NFXL1: variants seen among roughly 807,000 people sequenced by gnomAD.
NFXL1 encodes the protein NF-X1-type zinc finger protein NFXL1.
In NFXL1, 66 loss-of-function variants were observed where a neutral mutation model predicts 123.3. The ratio of observed to expected loss-of-function variants is 0.54; its 90% confidence interval spans 0.44 to 0.66. The LOEUF is 0.66. Among genes scored for constraint, NFXL1 ranks in the 30% least tolerant of loss-of-function variants. NFXL1 has a pLI of 0.00. For missense variants in NFXL1, 944 were observed against 1,125.6 expected, an observed-to-expected ratio of 0.84 and a Z score of 2.31; for synonymous variants, 346 against 360.8, an observed-to-expected ratio of 0.96 and a Z score of 0.46.
Position 47,899,376 on chromosome 4 carries a change from G to A in NFXL1, c.820C>T (p.His274Tyr). ...PCGHKCLLLCHPGPCPPCPKM... is the reference protein window; with the variant it reads ...PCGHKCLLLCYPGPCPPCPKM... ...AATGCAATATATAACTCACCTGGAT[G>A]ACAGAGGAGTAAACATTTATGGCCA... The change falls in exon 6 of 23, where the codon CAT (histidine) becomes TAT (tyrosine). Residue 274 changes from histidine to tyrosine, a missense_variant. Physicochemically the swap from His to Tyr is moderately conservative, Grantham distance 83. Around this residue, in one of 4 missense-constraint regions of NFXL1, gnomAD observed 296 missense variants for 395.1 expected, o/e 0.75. Transcript: ENST00000507489. The A allele has an allele frequency of 6.2e-7, 1 of 1,610,462 alleles. No homozygotes were observed. The highest frequency in any genetic ancestry group is 8.5e-7 in the Non-Finnish European group (1 of 1,176,920).
chr4:47,857,940 T>C (rs1431333278), intron 19 of NFXL1, among the ~76,000 whole-genome samples: 22 of 152,238 alleles, frequency 1.4e-4, no homozygotes, highest in Admixed American at 1.2e-3. Flanking sequence ...CTTCAGAATC[T>C]GTGAATTGCT....
chr4:47,911,005 G>C lies in NFXL1; in HGVS notation c.236-11C>G. 2 of 1,506,796 alleles carry C rather than the reference G, an allele frequency of 1.3e-6. No homozygotes were observed. Among genetic ancestry groups the C allele is most frequent in the South Asian group, 1.3e-5 (1 of 78,882 alleles). 93.3% of individuals were successfully genotyped at this position (1,506,796 alleles called of 1,614,324 possible). A position where few individuals can be genotyped will look rare whatever the true frequency, so the allele number is the denominator to read the frequency against. ...TCTGAGACATTAGCTCTGTTTAAAA[G>C]AAAAAAGTTTCATTTCTGCAAAACA... On this transcript the variant is annotated splice_polypyrimidine_tract_variant and intron_variant, in intron 2 of 22. Coordinates refer to ENST00000507489, the MANE Select transcript of NFXL1 (RefSeq NM_001278624.2).
At chr4:47,853,951 T>TG (rs1198573348) in intron 20 of NFXL1, among the ~76,000 whole-genome samples, 1 of 152,118 alleles carries the variant, frequency 6.6e-6, no homozygotes, top group Non-Finnish European at 1.5e-5. Context: ...AGAAAAGAGT[T>TG]GTTCCAAAGT....
chr4:47,873,818 T>C (rs1365207388), intron 18 of NFXL1, among the ~76,000 whole-genome samples: 1 of 152,204 alleles, frequency 6.6e-6, no homozygotes, highest in Non-Finnish European at 1.5e-5. Context: ...AAGTCCTAGA[T>C]AGCATTTTCT....
intron 19 of NFXL1, among the ~76,000 whole-genome samples, chr4:47,858,823 A>G (rs1457250327): frequency 2.0e-5 from 3 of 152,192 alleles, no homozygotes; most frequent in African/African-American, 7.2e-5. Context: ...GGGTAGAGTT[A>G]ACATGGTATT....
chr4:47,885,619 T>C lies in NFXL1; in HGVS notation c.1703A>G (p.His568Arg). The stretch of plus-strand genomic sequence containing the variant: ...TGGACAAGAACCAAAGTGACAGCGA[T>C]GTTTTTCTTGACTTGTATGATGACA... ...PTCHHTSQEK[H>R]RCHFGSCPPC... Residue 568 changes from histidine to arginine, a missense_variant, in exon 14 of 23, where the codon CAT becomes CGT. Around this residue, in one of 4 missense-constraint regions of NFXL1, gnomAD observed 44 missense variants for 90.4 expected, o/e 0.49. Transcript: ENST00000507489. The C allele has an allele frequency of 6.2e-7, 1 of 1,614,002 alleles. No homozygotes were observed. Among genetic ancestry groups the C allele is most frequent in the Non-Finnish European group, 8.5e-7 (1 of 1,179,886 alleles).
rs1735673236 is a variant in NFXL1 at position 47,875,213 on chromosome 4, T to C, written c.2160A>G (p.Arg720=). ...PLGCLHPCIL[R]CHPGECPPCV... ...AAGGTGGACATTCTCCAGGGTGACA[T>C]CGCAAAATACATGGGTGAAGACAAC... is the stretch of plus-strand genomic sequence containing the variant. Residue 720 remains arginine (R), a synonymous_variant, in exon 18 of 23, where the codon CGA becomes CGG. Coordinates refer to ENST00000507489, the MANE Select transcript of NFXL1 (RefSeq NM_001278624.2). 1 of 1,613,338 alleles carries C rather than the reference T, an allele frequency of 6.2e-7. No individual in the cohort carries two copies. Among genetic ancestry groups the C allele is most frequent in the Admixed American group, 1.7e-5 (1 of 59,982 alleles).
Position 47,914,001 on chromosome 4 carries a change from C to T in NFXL1, c.203G>A (p.Gly68Glu), listed in dbSNP as rs1334129350. Residue 68 changes from glycine to glutamate, a missense_variant, in exon 2 of 23, where the codon GGA becomes GAA. Gly to Glu is a moderately conservative substitution (Grantham distance 98). This residue lies in a region of NFXL1 where 303 missense variants were observed against 292.1 expected (regional missense o/e 1.04). Coordinates refer to ENST00000507489, the MANE Select transcript of NFXL1 (RefSeq NM_001278624.2). ...TGCGGTAGTCTGCAGGGCTTGGGAT[C>T]CTGCGGGGCTGTGCCTGCTCCCTGC... ...AAAGSRHSPAGSQALQTTAAS... is the reference protein window; with the variant it reads ...AAAGSRHSPAESQALQTTAAS... 6.5e-7 allele frequency: 1 copy of T among 1,548,034 alleles called. No individual in the cohort carries two copies. Among genetic ancestry groups the T allele is most frequent in the Admixed American group, 2.0e-5 (1 of 50,978 alleles).
Position 47,914,158 on chromosome 4 carries a change from G to C in NFXL1, c.46C>G (p.Arg16Gly), listed in dbSNP as rs1002335894. Residue 16 changes from arginine (R) to glycine (G), a missense_variant, in exon 2 of 23, where the codon CGG becomes GGG. Physicochemically the swap from Arg to Gly is moderately radical, Grantham distance 125. This residue lies in a region of NFXL1 where 303 missense variants were observed against 292.1 expected (regional missense o/e 1.04). Transcript: ENST00000507489. Reference protein sequence around the residue: ...RQVAGGRGRSRGRATAAPSGN... With the variant: ...RQVAGGRGRSGGRATAAPSGN... ...GAGGGGGCGGCAGTGGCCCGTCCCC[G>C]GGATCGGCCTCGGCCACCGGCCACC... The C allele has an allele frequency of 6.5e-7, 1 of 1,546,372 alleles. No homozygotes were observed. Among genetic ancestry groups the C allele is most frequent in the African/African-American group, 1.4e-5 (1 of 73,174 alleles).
chr4:47,894,288 A>G lies in NFXL1; in HGVS notation c.1344T>C (p.His448=), dbSNP rs1417153320. 1.3e-6 allele frequency: 2 copies of G among 1,589,338 alleles called. No individual in the cohort carries two copies. Among genetic ancestry groups the G allele is most frequent in the South Asian group, 1.2e-5 (1 of 86,480 alleles). The change falls in exon 11 of 23, where the codon CAT becomes CAC. Residue 448 remains histidine (H), a synonymous_variant. Coordinates refer to ENST00000507489, the MANE Select transcript of NFXL1 (RefSeq NM_001278624.2). ...CETCRQEVEK[H]CRCGKHTKRM... is the part of the protein sequence containing the mutation. ...GTTTTGTATGCTTTCCACAGCGACAATGCTTTTCCACTTCCTGGAAGAATA... is the reference window on the plus strand; with the variant it reads ...GTTTTGTATGCTTTCCACAGCGACAGTGCTTTTCCACTTCCTGGAAGAATA...
intron 19 of NFXL1, among the ~76,000 whole-genome samples, chr4:47,858,394 C>T (rs1734530392): frequency 1.3e-5 from 2 of 152,152 alleles, no homozygotes; most frequent in African/African-American, 2.4e-5. Flanking sequence ...CAAGCAATTA[C>T]ACTACTGCAT....
rs1396981187 is a variant in NFXL1, at chr4:47,914,187, C to A, written c.17G>T (p.Arg6Leu). The change falls in exon 2 of 23, where the codon CGC becomes CTC. Residue 6 changes from arginine to leucine, a missense_variant. Physicochemically the swap from Arg to Leu is moderately radical, Grantham distance 102. This residue lies in a region of NFXL1 where 303 missense variants were observed against 292.1 expected (regional missense o/e 1.04). Coordinates refer to ENST00000507489, the MANE Select transcript of NFXL1 (RefSeq NM_001278624.2). The part of the protein sequence containing the change: MEASW[R>L]QVAGGRGRSR... ...TCGGCCTCGGCCACCGGCCACCTGG[C>A]GCCAGGAAGCTTCCATCCCTGCAAA... is the stretch of plus-strand genomic sequence containing the variant. 7 of 1,498,834 alleles carry A rather than the reference C, an allele frequency of 4.7e-6. No individual in the cohort carries two copies. Among genetic ancestry groups the A allele is most frequent in the Non-Finnish European group, 6.3e-6 (7 of 1,119,880 alleles). 92.8% of individuals were successfully genotyped at this position (1,498,834 alleles called of 1,614,324 possible). A position where few individuals can be genotyped will look rare whatever the true frequency, so the allele number is the denominator to read the frequency against.
intron 12 of NFXL1, among the ~76,000 whole-genome samples, chr4:47,890,279 C>T (rs915091165): frequency 6.6e-6 from 1 of 151,778 alleles, no homozygotes; most frequent in Non-Finnish European, 1.5e-5. Flanking sequence ...CTATGAACAC[C>T]TTCATTGATT....
intron 14 of NFXL1, 150 bp downstream of exon 14, chr4:47,885,348 A>G: frequency 1.7e-6 from 1 of 606,056 alleles, no homozygotes; most frequent in Non-Finnish European, 2.8e-6. Context: ...GTTGCTTAAA[A>G]CAAAATCAAG....
intron 20 of NFXL1, among the ~76,000 whole-genome samples, chr4:47,854,585 T>C (rs1436847383): frequency 1.3e-5 from 2 of 152,138 alleles, no homozygotes; most frequent in African/African-American, 4.8e-5. Context: ...GTTATTTTAC[T>C]TTATAAGGCT....
chr4:47,891,175 A>T (rs887739639), intron 11 of NFXL1, among the ~76,000 whole-genome samples: 2 of 148,324 alleles, frequency 1.3e-5, no homozygotes, highest in Admixed American at 1.4e-4. Context: ...GTAATGGCAC[A>T]GTCTTGACTG....
intron 15 of NFXL1, among the ~76,000 whole-genome samples, chr4:47,883,220 G>C (rs914893850): frequency 6.6e-6 from 1 of 151,886 alleles, no homozygotes; most frequent in Non-Finnish European, 1.5e-5. Flanking sequence ...ACTCTAGCCT[G>C]GGTGACGGAG....
rs544488899 is a variant in NFXL1, at chr4:47,868,185, G to A, written c.2247-5270C>T. Among the ~76,000 whole-genome samples, 40 of 152,234 alleles carry A rather than the reference G, an allele frequency of 2.6e-4. 1 individual carries two copies. The highest frequency in any genetic ancestry group is 3.4e-3 in the Middle Eastern group (1 of 294). ...AAAAACAAAATTAGCCAGGCGTGGC[G>A]GCGGGCACCTGTAGTCCCAGCTACG... On this transcript the variant is annotated intron_variant, in intron 18 of 22. Transcript: ENST00000507489.
At chr4:47,896,815 T>G in intron 9 of NFXL1, 168 bp from the exon 10 acceptor site, 1 of 548,610 alleles carries the variant, frequency 1.8e-6, no homozygotes, top group Non-Finnish European at 3.2e-6. Flanking sequence ...TAATCCCTAA[T>G]ATTTGTGAAG....
Sources: allele counts gnomAD v4.1 joint callset (sites outside exome capture counted in the v4.1 genomes callset), GRCh38; gene constraint gnomAD v4.1.1; regional missense constraint gnomAD v4.1.1; transcripts MANE v1.5; gene names NCBI Gene and HGNC (gene_info 2026-07-23, HGNC 2026-07-21).